CHSY3: variants seen among roughly 807,000 people sequenced by gnomAD.
CHSY3 encodes chondroitin sulfate synthase 3, also known as N-acetylgalactosaminyl-proteoglycan 3-beta-glucuronosyltransferase 3.
In CHSY3, 35 loss-of-function variants were observed where a neutral mutation model predicts 67.2. The ratio of observed to expected loss-of-function variants is 0.52; its 90% confidence interval spans 0.40 to 0.69. CHSY3 has a LOEUF of 0.69. Among genes scored for constraint, CHSY3 ranks in the 30% least tolerant of loss-of-function variants. CHSY3 has a pLI of 0.00. For missense variants in CHSY3, 1,069 were observed against 1,138.5 expected (o/e 0.94, Z 0.88); for synonymous variants, 474 against 434.7 (o/e 1.09, Z -1.12).
At chr5:130,047,990 T>G (rs1765206692) in intron 2 of CHSY3, among the ~76,000 whole-genome samples, 1 of 151,352 alleles carries the variant, frequency 6.6e-6, no homozygotes, top group African/African-American at 2.5e-5. Context: ...CTTTACCTAT[T>G]TTGCACGCGT....
intron 2 of CHSY3, among the ~76,000 whole-genome samples, chr5:130,025,918 G>T (rs1225315944): frequency 6.6e-6 from 1 of 152,108 alleles, no homozygotes; most frequent in Non-Finnish European, 1.5e-5. Flanking sequence ...AATTCGTTTT[G>T]ACCACCATTG....
chr5:130,153,754 A>G (rs941715689), intron 2 of CHSY3, among the ~76,000 whole-genome samples: 4 of 152,026 alleles, frequency 2.6e-5, no homozygotes, highest in Non-Finnish European at 5.9e-5. Flanking sequence ...TTTGCAAACT[A>G]TTGGTTCTTG....
At chr5:129,986,167 A>G (rs1449465492) in intron 2 of CHSY3, among the ~76,000 whole-genome samples, 1 of 152,132 alleles carries the variant, frequency 6.6e-6, no homozygotes, top group Non-Finnish European at 1.5e-5. Context: ...TGGTTTTGTC[A>G]TAGATCACTC....
intron 2 of CHSY3, among the ~76,000 whole-genome samples, chr5:129,946,351 G>A (rs1761854948): frequency 2.0e-5 from 3 of 152,042 alleles, no homozygotes; most frequent in Admixed American, 2.0e-4. Context: ...CCAAAATTAG[G>A]CCAGGGCAAA....
chr5:129,978,810 T>G (rs1254638253), intron 2 of CHSY3, among the ~76,000 whole-genome samples: 2 of 152,146 alleles, frequency 1.3e-5, no homozygotes, highest in African/African-American at 2.4e-5. Context: ...TAATTTATTT[T>G]TCCAGATACT....
At chr5:129,964,052 G>T (rs780343150) in intron 2 of CHSY3, among the ~76,000 whole-genome samples, 1 of 151,874 alleles carries the variant, frequency 6.6e-6, no homozygotes, top group Non-Finnish European at 1.5e-5. Flanking sequence ...GATACAGTGG[G>T]CAACCTTTCC....
intron 2 of CHSY3, among the ~76,000 whole-genome samples, chr5:129,990,573 C>T (rs906941295): frequency 2.0e-5 from 3 of 152,018 alleles, no homozygotes; most frequent in South Asian, 2.1e-4. Flanking sequence ...TTTTATAGAA[C>T]GTAACTACAC....
At chr5:130,129,250 G>A (rs1486695271) in intron 2 of CHSY3, among the ~76,000 whole-genome samples, 1 of 152,098 alleles carries the variant, frequency 6.6e-6, no homozygotes, top group Non-Finnish European at 1.5e-5. Flanking sequence ...CATCTAATGA[G>A]CAACATTTGG....
intron 2 of CHSY3, among the ~76,000 whole-genome samples, chr5:130,089,348 T>C (rs1401681948): frequency 6.6e-6 from 1 of 151,736 alleles, no homozygotes; most frequent in Non-Finnish European, 1.5e-5. Context: ...ATTGTGCACA[T>C]GTACCCTGAA....
At chr5:129,959,582 A>T (rs1345571175) in intron 2 of CHSY3, among the ~76,000 whole-genome samples, 1 of 152,154 alleles carries the variant, frequency 6.6e-6, no homozygotes, top group Non-Finnish European at 1.5e-5. Context: ...AACAATAAAC[A>T]TATATTTATG....
At chr5:129,988,965 A>G (rs1195421260) in intron 2 of CHSY3, among the ~76,000 whole-genome samples, 1 of 152,198 alleles carries the variant, frequency 6.6e-6, no homozygotes, top group African/African-American at 2.4e-5. Flanking sequence ...CACATCTGGC[A>G]TATATCTTCA....
In CHSY3 at chr5:130,185,412, G is replaced by C. The variant is rs753438409; in HGVS notation, c.2270G>C (p.Gly757Ala). The change falls in exon 3 of 3, where the codon GGG (glycine) becomes GCG (alanine). Residue 757 changes from glycine (G) to alanine (A), a missense_variant. Gly to Ala is a moderately conservative substitution (Grantham distance 60). Around this residue, in one of 5 missense-constraint regions of CHSY3, gnomAD observed 139 missense variants for 152.8 expected, o/e 0.91. Transcript: ENST00000305031. ...FSQYDPKVTN[G>A]GNPPTDDYFI... is the part of the protein sequence containing the mutation. The stretch of plus-strand genomic sequence containing the variant: ...CAGTATGACCCAAAGGTAACAAACG[G>C]GGGAAATCCTCCCACTGATGATTAC... 4 of 1,613,560 alleles carry C rather than the reference G, an allele frequency of 2.5e-6. No homozygotes were observed. Among genetic ancestry groups the C allele is most frequent in the Non-Finnish European group, 3.4e-6 (4 of 1,179,530 alleles).
In CHSY3 at chr5:130,143,730, G is replaced by GTATATATATATA. The variant is rs1285066017; in HGVS notation, c.1087-40498_1087-40497insATATATATATAT. Among the ~76,000 whole-genome samples the GTATATATATATA allele has an allele frequency of 1.4e-3, 150 of 104,510 alleles. 5 individuals are homozygous for GTATATATATATA. The highest frequency in any genetic ancestry group is 0.013 in the East Asian group (37 of 2,822). 68.6% of individuals were successfully genotyped at this position (104,510 alleles called of 152,430 possible). On this transcript the variant is annotated intron_variant, in intron 2 of 2. Coordinates refer to ENST00000305031, the MANE Select transcript of CHSY3 (RefSeq NM_175856.5). ...AGGGTATATATATATATGTGTGTGT[G>GTATATATATATA]TGTGTATATATATATATATATATAT...
intron 2 of CHSY3, among the ~76,000 whole-genome samples, chr5:130,014,921 T>G (rs1274013370): frequency 6.6e-6 from 1 of 152,012 alleles, no homozygotes; most frequent in Non-Finnish European, 1.5e-5. Flanking sequence ...CAAACAGACA[T>G]CCTACAGAAC....
At chr5:130,024,434 C>T (rs760762793) in intron 2 of CHSY3, among the ~76,000 whole-genome samples, 3 of 152,008 alleles carry the variant, frequency 2.0e-5, no homozygotes, top group Non-Finnish European at 4.4e-5. Flanking sequence ...TTTCCTGCTT[C>T]GAATTTTCGA....
intron 2 of CHSY3, among the ~76,000 whole-genome samples, chr5:130,108,388 G>C (rs975348557): frequency 6.6e-6 from 1 of 151,242 alleles, no homozygotes; most frequent in African/African-American, 2.4e-5. Flanking sequence ...AAATTGTATA[G>C]GGCCATCCAG....
At chr5:130,086,805 C>T (rs1766648999) in intron 2 of CHSY3, among the ~76,000 whole-genome samples, 1 of 151,960 alleles carries the variant, frequency 6.6e-6, no homozygotes, top group Non-Finnish European at 1.5e-5. Context: ...GGAACTGGTA[C>T]CATTCCTTCT....
In CHSY3 at chr5:130,021,439, C is replaced by G. The variant is rs72795741; in HGVS notation, c.1086+113079C>G. Among the ~76,000 whole-genome samples the G allele has an allele frequency of 6.2e-3, 938 of 152,090 alleles. 8 individuals carry two copies. The highest frequency in any genetic ancestry group is 9.8e-3 in the Non-Finnish European group (666 of 67,956). ...ATACAGCCTGATCTTTTCTTCATAT[C>G]CTACCAAATATGAGGAGAGAATAAA... is the stretch of plus-strand genomic sequence containing the variant. On this transcript the variant is annotated intron_variant, in intron 2 of 2. Coordinates refer to ENST00000305031, the MANE Select transcript of CHSY3 (RefSeq NM_175856.5).
intron 2 of CHSY3, among the ~76,000 whole-genome samples, chr5:130,111,845 G>A (rs78170060): frequency 1.6e-3 from 249 of 152,004 alleles, no homozygotes; most frequent in African/African-American, 5.9e-3. Flanking sequence ...AAATATAACA[G>A]ATGCAACTAA....
Sources: allele counts gnomAD v4.1 joint callset (sites outside exome capture counted in the v4.1 genomes callset), GRCh38; gene constraint gnomAD v4.1.1; regional missense constraint gnomAD v4.1.1; transcripts MANE v1.5; gene names NCBI Gene and HGNC (gene_info 2026-07-23, HGNC 2026-07-21).